Variants in KPNA1 observed in about 807,000 individuals in gnomAD.
KPNA1 encodes the protein importin subunit alpha-5.
Under a neutral mutation model 70.5 loss-of-function variants are expected in KPNA1, and 10 were observed. The ratio of observed to expected loss-of-function variants is 0.14; its 90% confidence interval spans 0.09 to 0.24. The LOEUF is 0.24. Among genes scored for constraint, KPNA1 ranks in the 10% least tolerant of loss-of-function variants. KPNA1 has a pLI of 1.00. For synonymous variants in KPNA1, 192 were observed against 221.9 expected (o/e 0.87, Z 1.20); for missense variants, 397 against 637.9 (o/e 0.62, Z 4.07).
intron 1 of KPNA1, among the ~76,000 whole-genome samples, chr3:122,512,268 G>T (rs1198876733): frequency 1.3e-5 from 2 of 151,836 alleles, no homozygotes; most frequent in Non-Finnish European, 2.9e-5. Flanking sequence ...TCTAAGGTCT[G>T]TATTTTATAG....
chr3:122,499,132 C>A (rs951200467), intron 1 of KPNA1, among the ~76,000 whole-genome samples: 2 of 128,808 alleles, frequency 1.6e-5, no homozygotes, highest in South Asian at 4.9e-4. Context: ...CACATCATGT[C>A]GTCTACAATA....
intron 1 of KPNA1, among the ~76,000 whole-genome samples, chr3:122,502,013 AC>A (rs2076834690): frequency 6.6e-6 from 1 of 152,248 alleles, no homozygotes; most frequent in African/African-American, 2.4e-5. Flanking sequence ...AATTACATAT[AC>A]GAACATGATT....
intron 1 of KPNA1, among the ~76,000 whole-genome samples, chr3:122,502,328 G>A (rs909968902): frequency 6.6e-6 from 1 of 152,206 alleles, no homozygotes; most frequent in African/African-American, 2.4e-5. Context: ...TTTTGTTATA[G>A]TGCCTTTTAG....
At chr3:122,445,058 C>T (rs1008767385) in intron 9 of KPNA1, among the ~76,000 whole-genome samples, 20 of 152,182 alleles carry the variant, frequency 1.3e-4, no homozygotes, top group Non-Finnish European at 2.6e-4. Flanking sequence ...ATAACTTTGA[C>T]GAGTTGACAG....
intron 2 of KPNA1, among the ~76,000 whole-genome samples, chr3:122,486,363 A>G (rs1338288595): frequency 6.6e-6 from 1 of 152,248 alleles, no homozygotes; most frequent in African/African-American, 2.4e-5. Context: ...GTGAAACTAG[A>G]AAGAAAAAGA....
intron 2 of KPNA1, among the ~76,000 whole-genome samples, chr3:122,491,867 T>C (rs1428308821): frequency 7.3e-6 from 1 of 137,596 alleles, no homozygotes; most frequent in Admixed American, 7.3e-5. Context: ...TTTTTTTTTT[T>C]TTTTTTTTTT....
Position 122,426,953 on chromosome 3 carries a change from C to A in KPNA1, c.*32G>T. On this transcript the variant is annotated 3_prime_UTR_variant, in exon 14 of 14. Coordinates refer to ENST00000344337, the MANE Select transcript of KPNA1 (RefSeq NM_002264.4). ...AGAGGACTCGACTGGGTAGCCTGGT[C>A]TGACACAGGTACGTGAAAGCAGAGT... is the stretch of plus-strand genomic sequence containing the variant. 1 of 1,588,520 alleles carries A rather than the reference C, an allele frequency of 6.3e-7. No homozygotes were observed. Among genetic ancestry groups the A allele is most frequent in the South Asian group, 1.1e-5 (1 of 90,132 alleles).
At chr3:122,490,635 T>A (rs959204408) in intron 2 of KPNA1, among the ~76,000 whole-genome samples, 4 of 152,176 alleles carry the variant, frequency 2.6e-5, no homozygotes, top group African/African-American at 9.7e-5. Context: ...ATATTCCCTA[T>A]CTTTAACCAA....
intron 5 of KPNA1, chr3:122,459,684 A>T: frequency 1.0e-6 from 1 of 985,514 alleles, no homozygotes; most frequent in Non-Finnish European, 1.2e-6. Flanking sequence ...GGAGGCAGCT[A>T]GCAAAACAGA....
chr3:122,482,723 A>T (rs570828180), intron 2 of KPNA1, among the ~76,000 whole-genome samples: 1 of 152,332 alleles, frequency 6.6e-6, no homozygotes, highest in Admixed American at 6.5e-5. Flanking sequence ...AAATCTAAAA[A>T]ATAACAATTA....
intron 2 of KPNA1, among the ~76,000 whole-genome samples, chr3:122,489,901 T>C (rs1228595469): frequency 1.3e-5 from 2 of 152,234 alleles, no homozygotes; most frequent in Non-Finnish European, 2.9e-5. Flanking sequence ...AGGTTAAGTA[T>C]GGAGCAGTAC....
chr3:122,447,828 C>T (rs1280163166), intron 9 of KPNA1, among the ~76,000 whole-genome samples: 1 of 152,130 alleles, frequency 6.6e-6, no homozygotes, highest in Non-Finnish European at 1.5e-5. Flanking sequence ...AGCAAAGTCT[C>T]AGGATACAAA....
intron 1 of KPNA1, among the ~76,000 whole-genome samples, chr3:122,498,884 T>C (rs973613317): frequency 2.6e-5 from 4 of 152,226 alleles, no homozygotes; most frequent in African/African-American, 9.6e-5. Context: ...TTATTTAAGA[T>C]AGGAGCTCTA....
In KPNA1 at chr3:122,514,907, A is replaced by C. The variant is rs2077002211; in HGVS notation, c.-156T>G. 1 of 152,272 alleles carries C rather than the reference A, an allele frequency of 6.6e-6. No homozygotes were observed. Among genetic ancestry groups the C allele is most frequent in the East Asian group, 1.9e-4 (1 of 5,194 alleles). The allele number at this position is 152,272 out of a possible 1,614,324, so 9.4% of individuals were successfully genotyped here. A position where few individuals can be genotyped will look rare whatever the true frequency, so the allele number is the denominator to read the frequency against. On this transcript the variant is annotated 5_prime_UTR_variant, in exon 1 of 14. Transcript: ENST00000344337. ...CGCTCTCCGCCGCCTCGCACCGAGCAGCGAGACTCAGCTCAGCCGGCGTTC... is the reference window on the plus strand; with the variant it reads ...CGCTCTCCGCCGCCTCGCACCGAGCCGCGAGACTCAGCTCAGCCGGCGTTC...
At position 122,430,491 on chromosome 3, in the gene KPNA1, G is replaced by A. The variant is rs1370132140; in HGVS notation, c.1251-2775C>T. Among the ~76,000 whole-genome samples, 4 of 139,208 alleles carry A rather than the reference G, an allele frequency of 2.9e-5. No individual in the cohort carries two copies. The East Asian group carries it at 8.4e-4, about 29-fold the overall frequency. 91.3% of individuals were successfully genotyped at this position (139,208 alleles called of 152,430 possible). A position where few individuals can be genotyped will look rare whatever the true frequency, so the allele number is the denominator to read the frequency against. ...CTGGAACCTATCAATGACATTAAGT[G>A]AGGACTTCCTATACTGTACTACCAG... is the stretch of plus-strand genomic sequence containing the variant. On this transcript the variant is annotated intron_variant, in intron 12 of 13. Transcript: ENST00000344337.
At chr3:122,451,045 G>A (rs778723253) in intron 8 of KPNA1, among the ~76,000 whole-genome samples, 147 of 152,148 alleles carry the variant, frequency 9.7e-4, no homozygotes, top group Non-Finnish European at 1.6e-3. Flanking sequence ...TGGGTACAGC[G>A]TACACTGCTT....
At chr3:122,480,036 ATAT>A (rs1260932481) in intron 2 of KPNA1, among the ~76,000 whole-genome samples, 1 of 152,166 alleles carries the variant, frequency 6.6e-6, no homozygotes, top group East Asian at 1.9e-4. Flanking sequence ...TAAATAATAC[ATAT>A]TATTAAGTGA....
intron 1 of KPNA1, among the ~76,000 whole-genome samples, chr3:122,497,416 T>C (rs1005960418): frequency 2.6e-5 from 4 of 152,264 alleles, no homozygotes; most frequent in African/African-American, 9.6e-5. Context: ...TTTACACAGA[T>C]ATGTTTTAAT....
intron 2 of KPNA1, among the ~76,000 whole-genome samples, chr3:122,490,056 C>T (rs1014759990): frequency 1.3e-5 from 2 of 152,210 alleles, no homozygotes; most frequent in Non-Finnish European, 2.9e-5. Context: ...GGCACTGTTC[C>T]GTCTAATCCT....
Sources: gnomAD v4.1 joint callset for allele counts (sites outside exome capture counted in the v4.1 genomes callset) on GRCh38, gnomAD v4.1.1 for gene constraint, MANE v1.5 for transcripts, NCBI Gene and HGNC (gene_info 2026-07-23, HGNC 2026-07-21) for gene names.